The following FAT4 variants were observed in gnomAD, a reference collection of about 807,000 sequenced individuals.
The protein encoded by FAT4 is protocadherin Fat 4.
FAT4 carries 84 observed loss-of-function variants against 303.9 expected under a neutral mutation model. The observed-to-expected ratio is 0.28, with a 90% confidence interval of 0.23 to 0.33. The LOEUF (loss-of-function observed/expected upper bound fraction) is 0.33. Ranked by LOEUF, FAT4 falls within the 10% of genes least tolerant of loss-of-function variation. The pLI is 1.00. For missense variants in FAT4, 6,005 were observed against 6,146.8 expected (o/e 0.98, Z 0.77); for synonymous variants, 2,307 against 2,298.8 (o/e 1.00, Z -0.10).
Position 125,415,109 on chromosome 4 carries a change from C to A in FAT4, c.6146C>A (p.Pro2049Gln). 6.2e-7 allele frequency: 1 copy of A among 1,613,886 alleles called. No homozygotes were observed. The change falls in exon 6 of 18, where the codon CCG (proline) becomes CAG (glutamine). Residue 2049 changes from proline (P) to glutamine (Q), a missense_variant. Transcript: ENST00000394329. The stretch of plus-strand genomic sequence containing the variant: ...TTGTTGGATGTAAATGATAACCCAC[C>A]GACATTTCTTTCCCCTAAATTGACA... ...IILLDVNDNP[P>Q]TFLSPKLTYI...
intron 7 of FAT4, among the ~76,000 whole-genome samples, chr4:125,431,730 C>T (rs1401061090): frequency 6.6e-6 from 1 of 152,022 alleles, no homozygotes; most frequent in Admixed American, 6.6e-5. Flanking sequence ...GATTAAAGAA[C>T]CCTGCATCTC....
At chr4:125,485,807 C>G (rs756929546) in intron 16 of FAT4, among the ~76,000 whole-genome samples, 1 of 152,116 alleles carries the variant, frequency 6.6e-6, no homozygotes, top group South Asian at 2.1e-4. Flanking sequence ...CCTGTATCCC[C>G]GCAATGAGTA....
Position 125,319,920 on chromosome 4 carries a change from G to A in FAT4, c.3509G>A (p.Arg1170Lys), listed in dbSNP as rs758712752. Reference protein sequence around the residue: ...QFDRESLMRRRGTAVFSFTVI... With the variant: ...QFDRESLMRRKGTAVFSFTVI... ...GACAGGGAGTCTCTTATGAGGCGGA[G>A]AGGGACTGCTGTGTTTAGCTTTACA... Residue 1170 changes from arginine (R) to lysine (K), a missense_variant, in exon 2 of 18, where the codon AGA becomes AAA. Arg to Lys is a conservative substitution (Grantham distance 26, BLOSUM62 2). Transcript: ENST00000394329. 2 of 1,613,832 alleles carry A rather than the reference G, an allele frequency of 1.2e-6. No individual in the cohort carries two copies. The highest frequency in any genetic ancestry group is 1.3e-5 in the African/African-American group (1 of 74,930).
intron 3 of FAT4, among the ~76,000 whole-genome samples, chr4:125,402,911 T>A (rs1734442989): frequency 6.6e-6 from 1 of 152,018 alleles, no homozygotes; most frequent in Non-Finnish European, 1.5e-5. Flanking sequence ...AGAGTAATTT[T>A]TGAAGTCAAC....
At chr4:125,400,700 C>CT (rs978162305) in intron 3 of FAT4, among the ~76,000 whole-genome samples, 2 of 65,638 alleles carry the variant, frequency 3.0e-5, no homozygotes, top group African/African-American at 1.2e-4. Flanking sequence ...TTCTACTGAG[C>CT]TTTGTTTTTT....
At chr4:125,469,177 T>C (rs1017229223) in intron 12 of FAT4, among the ~76,000 whole-genome samples, 20 of 152,322 alleles carry the variant, frequency 1.3e-4, no homozygotes, top group African/African-American at 4.8e-4. Context: ...AGGAGACTTT[T>C]CTACAAAATC....
In FAT4 at chr4:125,472,864, T is replaced by C. The variant is rs1726910518; in HGVS notation, c.12214-3307T>C. 4.6e-5 allele frequency among the ~76,000 whole-genome samples: 7 copies of C among 152,314 alleles called. No homozygotes were observed. The South Asian group carries it at 1.4e-3, about 32-fold the overall frequency. Reference sequence around the variant, plus strand: ...TATCGCCACATCCATCAAACTGCATTCAGGGTCCTACCAGGTTATTAAATG... The same window carrying C: ...TATCGCCACATCCATCAAACTGCATCCAGGGTCCTACCAGGTTATTAAATG... On this transcript the variant is annotated intron_variant, in intron 12 of 17. Transcript: ENST00000394329.
At chr4:125,393,109 G>A (rs1734034766) in intron 2 of FAT4, among the ~76,000 whole-genome samples, 1 of 148,752 alleles carries the variant, frequency 6.7e-6, no homozygotes, top group Non-Finnish European at 1.5e-5. Context: ...CAAATCCTAC[G>A]GTCTCCCAAA....
rs539607909 is a variant in FAT4 at position 125,491,070 on chromosome 4, G to A, written c.14254G>A (p.Gly4752Arg). 1.9e-6 allele frequency: 3 copies of A among 1,614,228 alleles called. No homozygotes were observed. In the African/African-American group the frequency reaches 4.0e-5, roughly 22 times the overall value. The change falls in exon 18 of 18, where the codon GGA (glycine) becomes AGA (arginine). Residue 4752 changes from glycine (G) to arginine (R), a missense_variant. Transcript: ENST00000394329. Reference protein sequence around the residue: ...PGIFNYATRLGRRSKSPQAMA... With the variant: ...PGIFNYATRLRRRSKSPQAMA... The stretch of plus-strand genomic sequence containing the variant: ...CATTTTCAACTATGCCACAAGGCTG[G>A]GAAGGAGAAGCAAGAGTCCTCAGGC...
chr4:125,414,528 C>A (rs941141183), intron 5 of FAT4, among the ~76,000 whole-genome samples: 2 of 152,080 alleles, frequency 1.3e-5, no homozygotes, highest in African/African-American at 2.4e-5. Context: ...ATTACCCTTT[C>A]TTGAAAATTG....
At chr4:125,341,462 A>C (rs1731791970) in intron 2 of FAT4, among the ~76,000 whole-genome samples, 1 of 151,968 alleles carries the variant, frequency 6.6e-6, no homozygotes, top group Non-Finnish European at 1.5e-5. Context: ...AAGTCTTCTT[A>C]GTAGTGAAAT....
intron 2 of FAT4, among the ~76,000 whole-genome samples, chr4:125,323,300 G>A (rs1731026803): frequency 6.6e-6 from 1 of 152,132 alleles, no homozygotes; most frequent in Non-Finnish European, 1.5e-5. Context: ...TTACCCATTA[G>A]CTATGCAAAG....
At chr4:125,378,166 C>G (rs72675310) in intron 2 of FAT4, among the ~76,000 whole-genome samples, 1 of 152,122 alleles carries the variant, frequency 6.6e-6, no homozygotes, top group Non-Finnish European at 1.5e-5. Flanking sequence ...GACATATAAA[C>G]CAATGGGTTT....
In FAT4 at chr4:125,315,617, G is replaced by T. The variant is rs1223904555; in HGVS notation, c.-373G>T. On this transcript the variant is annotated 5_prime_UTR_variant, in exon 1 of 18. Transcript: ENST00000394329. ...AAAATGCCGAGGAGCCCTGGCTGTT[G>T]TTTGTGCCGGACCACGGGCTTGAAG... 6.6e-6 allele frequency among the ~76,000 whole-genome samples: 1 copy of T among 152,214 alleles called. No individual in the cohort carries two copies. Among genetic ancestry groups the T allele is most frequent in the African/African-American group, 2.4e-5 (1 of 41,464 alleles).
rs1730953638 is a variant in FAT4, at chr4:125,321,557, A to G, written c.5146A>G (p.Thr1716Ala). The G allele has an allele frequency of 3.7e-6, 6 of 1,611,770 alleles. No homozygotes were observed. In the East Asian group the frequency reaches 1.1e-4, roughly 30 times the overall value. Residue 1716 changes from threonine (T) to alanine (A), a missense_variant, in exon 2 of 18, where the codon ACT becomes GCT. Coordinates refer to ENST00000394329, the MANE Select transcript of FAT4 (RefSeq NM_001291303.3). ...LVDVYAIEKSTAFPRTQRAEV... is the reference protein window; with the variant it reads ...LVDVYAIEKSAAFPRTQRAEV... The stretch of plus-strand genomic sequence containing the variant: ...GGATGTTTATGCCATAGAAAAATCA[A>G]CTGCTTTTCCCAGAACACAGAGAGC...
At chr4:125,362,823 G>T (rs925632413) in intron 2 of FAT4, 1 of 152,026 alleles carries the variant, frequency 6.6e-6, no homozygotes, top group African/African-American at 2.4e-5. Context: ...GAAGATAGCT[G>T]GTCTGAAGGT....
intron 5 of FAT4, among the ~76,000 whole-genome samples, chr4:125,409,232 C>T (rs149075692): frequency 6.6e-6 from 1 of 151,648 alleles, no homozygotes; most frequent in African/African-American, 2.4e-5. Flanking sequence ...CTAAGTTTCA[C>T]ATTTTTGGCT....
chr4:125,337,851 A>G (rs1447311049), intron 2 of FAT4, among the ~76,000 whole-genome samples: 1 of 152,112 alleles, frequency 6.6e-6, no homozygotes, highest in Non-Finnish European at 1.5e-5. Context: ...ATTCAAACAC[A>G]CTTGGGTACA....
chr4:125,365,991 T>C (rs1732866632), intron 2 of FAT4, among the ~76,000 whole-genome samples: 1 of 152,036 alleles, frequency 6.6e-6, no homozygotes, highest in Admixed American at 6.6e-5. Flanking sequence ...GCCCCTGCTT[T>C]GGATTCTCGT....
Sources: gnomAD v4.1 joint callset for allele counts (sites outside exome capture counted in the v4.1 genomes callset) on GRCh38, gnomAD v4.1.1 for gene constraint, MANE v1.5 for transcripts, NCBI Gene and HGNC (gene_info 2026-07-23, HGNC 2026-07-21) for gene names.